KHDRBS3: variants seen among roughly 807,000 people sequenced by gnomAD.
KHDRBS3 encodes the protein KH domain-containing, RNA-binding, signal transduction-associated protein 3.
In KHDRBS3, 23 loss-of-function variants were observed where a neutral mutation model predicts 45.6. The ratio of observed to expected loss-of-function variants is 0.50; its 90% CI spans 0.36 to 0.72. The LOEUF is 0.72. Ranked by LOEUF, KHDRBS3 falls within the 30% of genes least tolerant of loss-of-function variation. The pLI, the probability that KHDRBS3 is intolerant of heterozygous loss-of-function variation, is 0.00. For missense variants in KHDRBS3, 352 were observed against 424.8 expected, an observed-to-expected ratio of 0.83 and a Z score of 1.51; for synonymous variants, 162 against 156.5, an observed-to-expected ratio of 1.04 and a Z score of -0.26.
intron 1 of KHDRBS3, among the ~76,000 whole-genome samples, chr8:135,475,704 A>G (rs1048628578): frequency 2.0e-5 from 3 of 152,132 alleles, no homozygotes; most frequent in Admixed American, 2.0e-4. Context: ...AATAATAATG[A>G]TCTGTGATTT....
intron 7 of KHDRBS3, among the ~76,000 whole-genome samples, chr8:135,642,342 C>G (rs542511313): frequency 6.6e-6 from 1 of 152,208 alleles, no homozygotes; most frequent in Admixed American, 6.5e-5. Flanking sequence ...TGGGCCTCAG[C>G]TGCCTCGTCT....
At chr8:135,470,059 G>A (rs1348361200) in intron 1 of KHDRBS3, among the ~76,000 whole-genome samples, 2 of 152,124 alleles carry the variant, frequency 1.3e-5, no homozygotes, top group Admixed American at 6.5e-5. Flanking sequence ...CTGTTGGTGC[G>A]TAGCTTCTTT....
At chr8:135,546,944 G>T (rs1826335838) in intron 3 of KHDRBS3, among the ~76,000 whole-genome samples, 1 of 152,144 alleles carries the variant, frequency 6.6e-6, no homozygotes, top group Non-Finnish European at 1.5e-5. Context: ...GTTTGTGATA[G>T]AAATAATAAT....
intron 1 of KHDRBS3, among the ~76,000 whole-genome samples, chr8:135,491,308 A>G (rs573248841): frequency 6.6e-6 from 1 of 152,180 alleles, no homozygotes; most frequent in East Asian, 1.9e-4. Context: ...TGAGGTATCT[A>G]TTTTTGTGTA....
At chr8:135,545,142 A>T (rs957282477) in intron 3 of KHDRBS3, among the ~76,000 whole-genome samples, 2 of 152,084 alleles carry the variant, frequency 1.3e-5, no homozygotes, top group Non-Finnish European at 2.9e-5. Flanking sequence ...GAGGACTAGG[A>T]GGAAGCTCAC....
chr8:135,579,926 CT>C (rs1189510761), intron 5 of KHDRBS3, among the ~76,000 whole-genome samples: 1 of 152,132 alleles, frequency 6.6e-6, no homozygotes, highest in East Asian at 1.9e-4. Flanking sequence ...ATTTCTAGTT[CT>C]TCACTTTAGA....
intron 4 of KHDRBS3, chr8:135,549,579 G>A (rs955111836): frequency 6.6e-6 from 1 of 152,198 alleles, no homozygotes; most frequent in African/African-American, 2.4e-5. Context: ...AGTCTTTTGT[G>A]TGATTTGTAT....
intron 5 of KHDRBS3, among the ~76,000 whole-genome samples, chr8:135,574,884 G>A (rs1407158130): frequency 6.6e-6 from 1 of 152,154 alleles, no homozygotes; most frequent in African/African-American, 2.4e-5. Flanking sequence ...TATGTGCACT[G>A]TCTCATGTTT....
chr8:135,485,776 C>T (rs1181086521), intron 1 of KHDRBS3, among the ~76,000 whole-genome samples: 3 of 148,626 alleles, frequency 2.0e-5, no homozygotes, highest in Non-Finnish European at 4.4e-5. Context: ...AGCATTTTCA[C>T]CTGTTACTTC....
intron 7 of KHDRBS3, among the ~76,000 whole-genome samples, chr8:135,636,982 G>A (rs1019570087): frequency 1.3e-5 from 2 of 152,224 alleles, no homozygotes; most frequent in Non-Finnish European, 2.9e-5. Flanking sequence ...CATTGCCCTA[G>A]TAGGAGCACT....
At chr8:135,635,371 G>GTGTT (rs561791144) in intron 7 of KHDRBS3, among the ~76,000 whole-genome samples, 4,046 of 151,994 alleles carry the variant, frequency 0.027, 105 homozygotes, top group African/African-American at 0.08. Flanking sequence ...GCAGGTAGTA[G>GTGTT]TGTTTGTTTG....
chr8:135,621,704 CA>C (rs60054576), intron 7 of KHDRBS3, among the ~76,000 whole-genome samples: 96,319 of 133,260 alleles, frequency 0.72, 33,135 homozygotes, highest in Non-Finnish European at 0.77. Flanking sequence ...CAGAAGAGCA[CA>C]AAAAAAAAAA....
downstream of KHDRBS3, among the ~76,000 whole-genome samples, chr8:135,651,190 G>A (rs966615460): frequency 4.6e-5 from 7 of 151,944 alleles, no homozygotes; most frequent in South Asian, 4.2e-4. Flanking sequence ...CCATACTTCC[G>A]CTCTGCCCTT....
chr8:135,469,918 G>A (rs1821927986), intron 1 of KHDRBS3, among the ~76,000 whole-genome samples: 1 of 152,244 alleles, frequency 6.6e-6, no homozygotes, highest in African/African-American at 2.4e-5. Context: ...CGCAGCCGAT[G>A]CCAGCAGCTT....
intron 3 of KHDRBS3, among the ~76,000 whole-genome samples, chr8:135,547,183 A>G (rs1182233837): frequency 6.6e-6 from 1 of 152,202 alleles, no homozygotes; most frequent in African/African-American, 2.4e-5. Flanking sequence ...TGTATAGTCA[A>G]AACAAATTTC....
chr8:135,554,146 C>A (rs1479516116), intron 4 of KHDRBS3, among the ~76,000 whole-genome samples: 1 of 152,160 alleles, frequency 6.6e-6, no homozygotes, highest in Non-Finnish European at 1.5e-5. Flanking sequence ...TTCCATATTT[C>A]TTTCCCTACT....
intron 2 of KHDRBS3, among the ~76,000 whole-genome samples, chr8:135,533,566 C>T (rs112606430): frequency 9.3e-4 from 141 of 152,226 alleles, no homozygotes; most frequent in Non-Finnish European, 1.6e-3. Flanking sequence ...CATTGCCTAA[C>T]TTAAGACTGT....
rs893916397 is a variant in KHDRBS3 at position 135,600,610 on chromosome 8, C to G, written c.808-6345C>G. On this transcript the variant is annotated intron_variant, in intron 6 of 8. Coordinates refer to ENST00000355849, the MANE Select transcript of KHDRBS3 (RefSeq NM_006558.3). The stretch of plus-strand genomic sequence containing the variant: ...TGTATCTCCTGCACTGCCTTGCTCA[C>G]AAGTGCACGGTCTGATTTTTAAAGT... 4.6e-5 allele frequency among the ~76,000 whole-genome samples: 7 copies of G among 152,188 alleles called. No homozygotes were observed. The South Asian group carries it at 1.5e-3, about 32-fold the overall frequency.
intron 6 of KHDRBS3, among the ~76,000 whole-genome samples, chr8:135,600,871 G>A (rs1314587133): frequency 1.3e-5 from 2 of 152,028 alleles, no homozygotes; most frequent in African/African-American, 2.4e-5. Flanking sequence ...GCTAAGTTTT[G>A]TATTTTTTTA....
Sources: allele counts gnomAD v4.1 joint callset (sites outside exome capture counted in the v4.1 genomes callset), GRCh38; gene constraint gnomAD v4.1.1; transcripts MANE v1.5; gene names NCBI Gene and HGNC (gene_info 2026-07-23, HGNC 2026-07-21).